The following DOCK4 variants were observed in gnomAD, a reference collection of about 807,000 sequenced individuals.
DOCK4 encodes dedicator of cytokinesis 4.
Under a neutral mutation model 268.1 loss-of-function variants are expected in DOCK4, and 97 were observed. The observed-to-expected ratio is 0.36, with a 90% CI of 0.31 to 0.43. DOCK4 has a LOEUF of 0.43. Among genes scored for constraint, DOCK4 ranks in the 20% least tolerant of loss-of-function variants. DOCK4 has a pLI of 1.00. For synonymous variants in DOCK4, 954 were observed against 887.2 expected (o/e 1.08, Z -1.34); for missense variants, 2,145 against 2,455.7 (o/e 0.87, Z 2.67).
chr7:111,945,860 T>C, intron 8 of DOCK4, 62 bp from the exon 9 acceptor site: 1 of 1,261,410 alleles, frequency 7.9e-7, no homozygotes, highest in Non-Finnish European at 1.1e-6. Flanking sequence ...TTTATCCCTC[T>C]GTAACTACTC....
At chr7:112,153,582 G>C (rs568769708) in intron 1 of DOCK4, among the ~76,000 whole-genome samples, 1 of 152,096 alleles carries the variant, frequency 6.6e-6, no homozygotes, top group East Asian at 1.9e-4. Context: ...GTAAAATTTA[G>C]CTCTAAGTCA....
At chr7:111,980,906 T>C (rs1401226731) in intron 7 of DOCK4, among the ~76,000 whole-genome samples, 3 of 152,184 alleles carry the variant, frequency 2.0e-5, no homozygotes, top group African/African-American at 7.2e-5. Flanking sequence ...CTAATAAGGC[T>C]CCCTTTATTT....
chr7:112,171,964 C>T (rs1016620554), intron 1 of DOCK4, among the ~76,000 whole-genome samples: 5 of 152,262 alleles, frequency 3.3e-5, no homozygotes, highest in East Asian at 1.9e-4. Context: ...TCTGTGCACA[C>T]GCATCCCTGG....
intron 10 of DOCK4, among the ~76,000 whole-genome samples, chr7:111,943,040 C>A (rs1795331817): frequency 6.6e-6 from 1 of 152,230 alleles, no homozygotes; most frequent in South Asian, 2.1e-4. Flanking sequence ...AGGGAGCTGG[C>A]AGACTAAATC....
chr7:112,145,979 T>C (rs1001476531), intron 1 of DOCK4, among the ~76,000 whole-genome samples: 2 of 152,158 alleles, frequency 1.3e-5, no homozygotes, highest in Admixed American at 1.3e-4. Flanking sequence ...ATATAGAAAA[T>C]GAGAGAAATA....
chr7:111,757,925 G>T (rs1475708369), intron 41 of DOCK4, among the ~76,000 whole-genome samples: 1 of 152,088 alleles, frequency 6.6e-6, no homozygotes, highest in African/African-American at 2.4e-5. Context: ...TGCAAAGAAA[G>T]GGGCAGACTC....
intron 51 of DOCK4, among the ~76,000 whole-genome samples, chr7:111,733,109 C>T (rs576178916): frequency 3.9e-5 from 6 of 152,182 alleles, no homozygotes; most frequent in Non-Finnish European, 5.9e-5. Flanking sequence ...TCCACAGAGA[C>T]GTTTCGGTGA....
chr7:112,190,624 G>A (rs537048849), intron 1 of DOCK4, among the ~76,000 whole-genome samples: 2 of 152,036 alleles, frequency 1.3e-5, no homozygotes, highest in East Asian at 1.9e-4. Context: ...CGATTTAGGA[G>A]GGAACTTGTG....
chr7:111,976,161 A>AATATATAT lies in DOCK4; in HGVS notation c.701+963_701+970dup, dbSNP rs1554400642. On this transcript the variant is annotated intron_variant, in intron 8 of 52. Coordinates refer to ENST00000428084, the MANE Select transcript of DOCK4 (RefSeq NM_001363540.2). Reference sequence around the variant, plus strand: ...ATCTCAAAAAAAAAAAAAAAAAAAAAATATATATATATATATACACACACA... The same window carrying AATATATAT: ...ATCTCAAAAAAAAAAAAAAAAAAAAAATATATATATATATATATATATATACACACACA... Among the ~76,000 whole-genome samples the AATATATAT allele has an allele frequency of 5.9e-5, 2 of 34,012 alleles. 1 individual carries two copies. Among genetic ancestry groups the AATATATAT allele is most frequent in the African/African-American group, 3.0e-4 (2 of 6,662 alleles). 22.3% of individuals were successfully genotyped at this position (34,012 alleles called of 152,430 possible).
chr7:112,176,565 C>CAATG (rs1195250996), intron 1 of DOCK4, among the ~76,000 whole-genome samples: 4 of 152,198 alleles, frequency 2.6e-5, no homozygotes, highest in Admixed American at 6.5e-5. Flanking sequence ...ACTACAAGCA[C>CAATG]AATGCCCTTA....
At chr7:112,087,550 T>A (rs1809210354) in intron 1 of DOCK4, among the ~76,000 whole-genome samples, 1 of 152,028 alleles carries the variant, frequency 6.6e-6, no homozygotes, top group African/African-American at 2.4e-5. Flanking sequence ...CCTTAAAGTA[T>A]AAAGTGTCAA....
At chr7:112,098,002 T>A (rs1284261777) in intron 1 of DOCK4, among the ~76,000 whole-genome samples, 2 of 152,174 alleles carry the variant, frequency 1.3e-5, no homozygotes, top group African/African-American at 4.8e-5. Context: ...TCTCTCTCAC[T>A]CCACGTCTCA....
At chr7:111,748,717 T>C in intron 42 of DOCK4, among the ~76,000 whole-genome samples, 1 of 152,114 alleles carries the variant, frequency 6.6e-6, no homozygotes, top group East Asian at 1.9e-4. Context: ...CATGTGTGTG[T>C]GTGTGTATAT....
chr7:111,901,879 T>C (rs1791181965), intron 13 of DOCK4, 78 bp from the exon 14 acceptor site: 5 of 1,115,138 alleles, frequency 4.5e-6, no homozygotes, highest in Admixed American at 4.5e-5. Context: ...AGAAAAACTT[T>C]AGTTTATACA....
chr7:111,755,739 T>A, intron 41 of DOCK4, 138 bp from the exon 42 acceptor site: 1 of 733,976 alleles, frequency 1.4e-6, no homozygotes, highest in Non-Finnish European at 2.3e-6. Context: ...CAAGCACTCA[T>A]GAAACTATCA....
chr7:111,933,065 TACATATATATAC>T (rs1254924638), intron 12 of DOCK4, among the ~76,000 whole-genome samples: 1 of 148,388 alleles, frequency 6.7e-6, no homozygotes, highest in Admixed American at 6.8e-5. Flanking sequence ...TGTATATATA[TACATATATATAC>T]ACATATATAT....
intron 1 of DOCK4, among the ~76,000 whole-genome samples, chr7:112,127,654 AAAAAAT>A (rs1010847197): frequency 2.6e-5 from 4 of 152,178 alleles, no homozygotes; most frequent in Non-Finnish European, 5.9e-5. Flanking sequence ...TTTTATAGCA[AAAAAAT>A]AAAAATAAAA....
At chr7:112,133,166 G>A (rs1203590717) in intron 1 of DOCK4, among the ~76,000 whole-genome samples, 6 of 152,110 alleles carry the variant, frequency 3.9e-5, no homozygotes, top group Non-Finnish European at 8.8e-5. Flanking sequence ...TTGAGGAGAG[G>A]TGACAGGCTA....
intron 17 of DOCK4, among the ~76,000 whole-genome samples, chr7:111,874,215 C>T (rs1182193108): frequency 6.6e-6 from 1 of 152,134 alleles, no homozygotes; most frequent in Non-Finnish European, 1.5e-5. Flanking sequence ...CACTCCACCC[C>T]CATCCCAGCT....
Sources: gnomAD v4.1 joint callset for allele counts (sites outside exome capture counted in the v4.1 genomes callset) on GRCh38, gnomAD v4.1.1 for gene constraint, MANE v1.5 for transcripts, NCBI Gene and HGNC (gene_info 2026-07-23, HGNC 2026-07-21) for gene names.